Variants in PTTG1IP observed in about 807,000 individuals in gnomAD.
PTTG1IP encodes PTTG1 interacting protein, also known as pituitary tumor-transforming gene 1 protein-interacting protein.
A neutral mutation model predicts 24.4 loss-of-function variants in PTTG1IP; 16 were observed. The ratio of observed to expected loss-of-function variants is 0.66; its 90% CI spans 0.44 to 1.00. The LOEUF is 1.00. Ranked by LOEUF, PTTG1IP falls within the 50% of genes least tolerant of loss-of-function variation. The pLI, the probability that PTTG1IP is intolerant of heterozygous loss-of-function variation, is 0.00. For missense variants in PTTG1IP, 241 were observed against 245.8 expected, an observed-to-expected ratio of 0.98 and a Z score of 0.13; for synonymous variants, 89 against 96.8, an observed-to-expected ratio of 0.92 and a Z score of 0.47.
intron 2 of PTTG1IP, among the ~76,000 whole-genome samples, chr21:44,864,085 G>A (rs958997614): frequency 1.3e-5 from 2 of 152,254 alleles, no homozygotes; most frequent in African/African-American, 4.8e-5. Flanking sequence ...TCATTGCCGG[G>A]GAAAGGAAGC....
At chr21:44,853,210 A>T (rs1052116829) in intron 5 of PTTG1IP, among the ~76,000 whole-genome samples, 3 of 152,168 alleles carry the variant, frequency 2.0e-5, no homozygotes, top group Non-Finnish European at 4.4e-5. Context: ...TCTTTTATTT[A>T]CATTAACATT....
At chr21:44,853,779 C>A (rs1325022231) in intron 5 of PTTG1IP, among the ~76,000 whole-genome samples, 1 of 152,134 alleles carries the variant, frequency 6.6e-6, no homozygotes, top group Non-Finnish European at 1.5e-5. Flanking sequence ...TGAAGAGAAC[C>A]CAGAGAGTCA....
At chr21:44,851,701 C>T in intron 5 of PTTG1IP, 74 bp from the exon 6 acceptor site, 2 of 1,489,796 alleles carry the variant, frequency 1.3e-6, no homozygotes, top group Non-Finnish European at 1.8e-6. Flanking sequence ...CCATACAAAC[C>T]AAGCTTTATA....
chr21:44,871,587 TCA>T (rs556279279), intron 1 of PTTG1IP, among the ~76,000 whole-genome samples: 9 of 152,310 alleles, frequency 5.9e-5, no homozygotes, highest in Middle Eastern at 3.4e-3. Context: ...TTCTCTAAAT[TCA>T]CACAGTGTCC....
At chr21:44,870,644 A>C (rs1411486003) in intron 1 of PTTG1IP, among the ~76,000 whole-genome samples, 1 of 152,196 alleles carries the variant, frequency 6.6e-6, no homozygotes, top group Non-Finnish European at 1.5e-5. Flanking sequence ...ATACAGAAAA[A>C]ACATGTGCTA....
chr21:44,858,553 C>T (rs1002487077), intron 3 of PTTG1IP, among the ~76,000 whole-genome samples: 3 of 152,208 alleles, frequency 2.0e-5, no homozygotes, highest in Admixed American at 6.5e-5. Flanking sequence ...CATCGCACCC[C>T]ACCCTCCTGT....
intron 1 of PTTG1IP, among the ~76,000 whole-genome samples, chr21:44,872,497 G>A (rs2083595463): frequency 6.6e-6 from 1 of 152,124 alleles, no homozygotes; most frequent in Admixed American, 6.6e-5. Flanking sequence ...AGTTAAGGTG[G>A]CACTATTCCC....
In PTTG1IP at chr21:44,858,003, T is replaced by A. The variant is rs150477105; in HGVS notation, c.278-1639A>T. On this transcript the variant is annotated intron_variant, in intron 3 of 5. Transcript: ENST00000330938. ...ACATATCTACCCCTCAGATAGCTTTTCTGATTAGCAGCTAAAACTAGTTAA... is the reference window on the plus strand; with the variant it reads ...ACATATCTACCCCTCAGATAGCTTTACTGATTAGCAGCTAAAACTAGTTAA... 3.5e-3 allele frequency among the ~76,000 whole-genome samples: 527 copies of A among 152,330 alleles called. 5 individuals carry two copies. The highest frequency in any genetic ancestry group is 0.012 in the African/African-American group (485 of 41,572).
rs745718441 is a variant in PTTG1IP, at chr21:44,861,188, G to A, written c.252C>T (p.Ser84=). The change falls in exon 3 of 6, where the codon AGC becomes AGT. Residue 84 remains serine, a synonymous_variant. Coordinates refer to ENST00000330938, the MANE Select transcript of PTTG1IP (RefSeq NM_004339.4). ...VLPPASLCKL[S]SARWGVCWVN... is the part of the protein sequence containing the mutation. ...CCCAACAAACTCCCCAGCGTGCAGA[G>A]CTCAATTTACAAAGGGAAGCCGGTG... The A allele has an allele frequency of 2.5e-5, 40 of 1,613,858 alleles. No individual in the cohort carries two copies. The highest frequency in any genetic ancestry group is 3.3e-5 in the Non-Finnish European group (39 of 1,179,870).
rs181624099 is a variant in PTTG1IP, at chr21:44,873,686, G to A, written c.-70C>T. On this transcript the variant is annotated 5_prime_UTR_variant, in exon 1 of 6. Coordinates refer to ENST00000330938, the MANE Select transcript of PTTG1IP (RefSeq NM_004339.4). ...ACTCCAGCACAAGCGGTCTCCGCCCGGAACAGCCGCGGCGCCGGAAGTGGA... is the reference window on the plus strand; with the variant it reads ...ACTCCAGCACAAGCGGTCTCCGCCCAGAACAGCCGCGGCGCCGGAAGTGGA... 9.3e-6 allele frequency: 12 copies of A among 1,285,032 alleles called. No homozygotes were observed. Among genetic ancestry groups the A allele is most frequent in the Admixed American group, 4.1e-5 (1 of 24,556 alleles). The allele number at this position is 1,285,032 out of a possible 1,614,324, so 79.6% of individuals were successfully genotyped here. A position where few individuals can be genotyped will look rare whatever the true frequency, so the allele number is the denominator to read the frequency against.
chr21:44,856,726 C>T (rs1306559618), intron 3 of PTTG1IP, among the ~76,000 whole-genome samples: 1 of 152,216 alleles, frequency 6.6e-6, no homozygotes, highest in East Asian at 1.9e-4. Context: ...AAGCTACATA[C>T]TCAGACTCTC....
chr21:44,873,601 C>T lies in PTTG1IP; in HGVS notation c.16G>A (p.Ala6Thr), dbSNP rs2083608930. The T allele has an allele frequency of 6.9e-7, 1 of 1,444,006 alleles. No individual in the cohort carries two copies. The highest frequency in any genetic ancestry group is 1.5e-5 in the African/African-American group (1 of 67,524). The allele number at this position is 1,444,006 out of a possible 1,614,324, so 89.4% of individuals were successfully genotyped here. A position where few individuals can be genotyped will look rare whatever the true frequency, so the allele number is the denominator to read the frequency against. MAPGV[A>T]RGPTPYWRLR... ...CTCCAGTACGGCGTCGGCCCGCGGG[C>T]CACTCCGGGCGCCATGGTCGGCCGG... Residue 6 changes from alanine to threonine, a missense_variant, in exon 1 of 6, where the codon GCC becomes ACC. By Grantham distance (58) the Ala-to-Thr change is moderately conservative. Coordinates refer to ENST00000330938, the MANE Select transcript of PTTG1IP (RefSeq NM_004339.4).
chr21:44,856,954 T>C (rs1307944563), intron 3 of PTTG1IP, among the ~76,000 whole-genome samples: 10 of 152,152 alleles, frequency 6.6e-5, no homozygotes, highest in Admixed American at 4.6e-4. Context: ...TTTGAGGACC[T>C]TGGGGCTGAA....
intron 1 of PTTG1IP, among the ~76,000 whole-genome samples, chr21:44,872,493 G>A (rs1378569244): frequency 1.3e-5 from 2 of 152,156 alleles, no homozygotes; most frequent in Middle Eastern, 3.2e-3. Context: ...CTGAAGTTAA[G>A]GTGGCACTAT....
intron 1 of PTTG1IP, 155 bp from the exon 2 acceptor site, chr21:44,865,602 G>C (rs982226030): frequency 2.8e-6 from 2 of 723,774 alleles, no homozygotes; most frequent in Non-Finnish European, 2.4e-6. Context: ...AGCCCCTGCT[G>C]ATAACAAGCC....
At position 44,851,237 on chromosome 21, in the gene PTTG1IP, T is replaced by C; in HGVS notation, c.*344A>G. ...GTGGACAGAGAGAAACGCAGGGTTC[T>C]GCCCTGGGAGAATGACAGCCACAGC... On this transcript the variant is annotated 3_prime_UTR_variant, in exon 6 of 6. Transcript: ENST00000330938. 3 of 1,160,972 alleles carry C rather than the reference T, an allele frequency of 2.6e-6. No homozygotes were observed. The highest frequency in any genetic ancestry group is 3.5e-6 in the Non-Finnish European group (3 of 849,878). 71.9% of individuals were successfully genotyped at this position (1,160,972 alleles called of 1,614,324 possible).
intron 5 of PTTG1IP, among the ~76,000 whole-genome samples, chr21:44,853,075 C>G (rs1054524291): frequency 6.6e-6 from 1 of 152,262 alleles, no homozygotes; most frequent in Admixed American, 6.5e-5. Context: ...CCCACAGCCT[C>G]ACACCCGCTG....
Position 44,873,676 on chromosome 21 carries a change from G to A in PTTG1IP, c.-60C>T. On this transcript the variant is annotated 5_prime_UTR_variant, in exon 1 of 6. Coordinates refer to ENST00000330938, the MANE Select transcript of PTTG1IP (RefSeq NM_004339.4). ...TACAACTCCGACTCCAGCACAAGCG[G>A]TCTCCGCCCGGAACAGCCGCGGCGC... 1 of 1,299,590 alleles carries A rather than the reference G, an allele frequency of 7.7e-7. No homozygotes were observed. The highest frequency in any genetic ancestry group is 9.8e-7 in the Non-Finnish European group (1 of 1,020,246). 80.5% of individuals were successfully genotyped at this position (1,299,590 alleles called of 1,614,324 possible).
At chr21:44,865,529 C>A in intron 1 of PTTG1IP, 82 bp from the exon 2 acceptor site, 1 of 1,410,930 alleles carries the variant, frequency 7.1e-7, no homozygotes. Flanking sequence ...GGGTGGGCAC[C>A]AGTGAGGGGT....
Sources: allele counts gnomAD v4.1 joint callset (sites outside exome capture counted in the v4.1 genomes callset), GRCh38; gene constraint gnomAD v4.1.1; transcripts MANE v1.5; gene names NCBI Gene and HGNC (gene_info 2026-07-23, HGNC 2026-07-21).